ATXN1: variants seen among roughly 807,000 people sequenced by gnomAD.
ATXN1 encodes the protein ataxin-1.
Under a neutral mutation model 56.4 loss-of-function variants are expected in ATXN1, and 8 were observed. That is an observed-to-expected ratio of 0.14 (90% CI 0.08 to 0.26). The LOEUF (loss-of-function observed/expected upper bound fraction) is 0.26, where lower values mean the gene tolerates loss of function less well. Among genes scored for constraint, ATXN1 ranks in the 10% least tolerant of loss-of-function variants. The probability of loss-of-function intolerance (pLI) is 1.00; values close to 1 mark genes in which losing one functional copy is unlikely to be tolerated. For missense variants in ATXN1, 987 were observed against 1,106.5 expected (o/e 0.89, Z 1.53); for synonymous variants, 514 against 494.6 (o/e 1.04, Z -0.52).
intron 6 of ATXN1, among the ~76,000 whole-genome samples, chr6:16,455,123 G>A (rs1759838517): frequency 6.6e-6 from 1 of 152,102 alleles, no homozygotes; most frequent in African/African-American, 2.4e-5. Context: ...AGGAAGGAAG[G>A]AGAGCATCTC....
chr6:16,323,711 C>T (rs1044072677), intron 7 of ATXN1, among the ~76,000 whole-genome samples: 6 of 152,006 alleles, frequency 3.9e-5, no homozygotes, highest in Non-Finnish European at 8.8e-5. Flanking sequence ...CCTCTGTTCA[C>T]AAAAATGTGT....
intron 2 of ATXN1, among the ~76,000 whole-genome samples, chr6:16,668,998 A>G (rs1167290103): frequency 6.6e-6 from 1 of 152,080 alleles, no homozygotes; most frequent in Non-Finnish European, 1.5e-5. Flanking sequence ...ACTCTTTGAG[A>G]AATTGTGCTG....
At chr6:16,747,298 C>T (rs754586864) in intron 2 of ATXN1, among the ~76,000 whole-genome samples, 4 of 152,016 alleles carry the variant, frequency 2.6e-5, no homozygotes, top group African/African-American at 9.7e-5. Context: ...AAACAGAACT[C>T]GAAAAACATA....
intron 1 of ATXN1, among the ~76,000 whole-genome samples, chr6:16,758,726 C>T (rs1463267195): frequency 2.0e-5 from 3 of 152,186 alleles, no homozygotes; most frequent in South Asian, 2.1e-4. Flanking sequence ...GGAGTAAGTG[C>T]ACCGAAAACC....
intron 3 of ATXN1, among the ~76,000 whole-genome samples, chr6:16,629,658 G>C (rs1397376565): frequency 6.6e-6 from 1 of 152,092 alleles, no homozygotes. Context: ...GCTCATGCCT[G>C]TAATCCCTGC....
At chr6:16,345,072 C>T (rs931205016) in intron 6 of ATXN1, among the ~76,000 whole-genome samples, 5 of 152,166 alleles carry the variant, frequency 3.3e-5, no homozygotes, top group Non-Finnish European at 4.4e-5. Context: ...TGCAGTTTGT[C>T]TTCCTTACAA....
chr6:16,527,038 A>T (rs954238398), intron 4 of ATXN1, among the ~76,000 whole-genome samples: 2 of 151,810 alleles, frequency 1.3e-5, no homozygotes, highest in African/African-American at 4.8e-5. Flanking sequence ...AAAAAAAAAA[A>T]TCAGGACTTA....
chr6:16,316,056 T>C (rs1172467376), intron 7 of ATXN1, among the ~76,000 whole-genome samples: 1 of 152,218 alleles, frequency 6.6e-6, no homozygotes, highest in Non-Finnish European at 1.5e-5. Context: ...TGTTAGGTAC[T>C]GGGCTGCACA....
chr6:16,402,397 G>T (rs1002009446), intron 6 of ATXN1, among the ~76,000 whole-genome samples: 2 of 151,620 alleles, frequency 1.3e-5, no homozygotes, highest in Non-Finnish European at 2.9e-5. Flanking sequence ...ACAAAACAGG[G>T]ACAATGTGCA....
At chr6:16,486,406 G>T (rs1012354969) in intron 5 of ATXN1, among the ~76,000 whole-genome samples, 1 of 152,172 alleles carries the variant, frequency 6.6e-6, no homozygotes, top group Non-Finnish European at 1.5e-5. Flanking sequence ...TTACTCTTCT[G>T]CAAAAGGAGG....
rs558545224 is a variant in ATXN1, at chr6:16,303,467, T to G, written c.*2862A>C. On this transcript the variant is annotated 3_prime_UTR_variant, in exon 8 of 8. Coordinates refer to ENST00000436367, the MANE Select transcript of ATXN1 (RefSeq NM_001128164.2). This position sits in a 1 kb window ranked among gnomAD's most constrained non-coding sequence, Gnocchi z 4.3. ...CCTGCTCTGGCCAGAATGGGGAAGA[T>G]CAACCAAACAAGGAAAAAGCCAAAA... The G allele has an allele frequency of 6.5e-6, 1 of 152,810 alleles. No homozygotes were observed. Among genetic ancestry groups the G allele is most frequent in the South Asian group, 2.1e-4 (1 of 4,824 alleles). 9.5% of individuals were successfully genotyped at this position (152,810 alleles called of 1,614,324 possible).
intron 2 of ATXN1, among the ~76,000 whole-genome samples, chr6:16,752,542 T>A (rs574198801): frequency 6.6e-6 from 1 of 152,348 alleles, no homozygotes; most frequent in South Asian, 2.1e-4. Context: ...CCCTATTTTC[T>A]ATTTCACAAT....
In ATXN1 at chr6:16,622,811, C is replaced by T. The variant is rs74850737; in HGVS notation, c.-489+34965G>A. Among the ~76,000 whole-genome samples the T allele has an allele frequency of 9.7e-4, 147 of 152,176 alleles. 1 individual carries two copies. Among genetic ancestry groups the T allele is most frequent in the Middle Eastern group, 3.4e-3 (1 of 294 alleles). On this transcript the variant is annotated intron_variant, in intron 3 of 7. Coordinates refer to ENST00000436367, the MANE Select transcript of ATXN1 (RefSeq NM_001128164.2). ...CTGGTAGCTTTCATTTCCACATGTA[C>T]TCTCAGAACAGAGAAAAACGAGTTC...
chr6:16,736,870 T>C (rs868200865), intron 2 of ATXN1: 1 of 152,222 alleles, frequency 6.6e-6, no homozygotes, highest in African/African-American at 2.4e-5. Flanking sequence ...CAAAATGCAA[T>C]GTTATTTAGT....
At chr6:16,319,589 G>A (rs1037095758) in intron 7 of ATXN1, among the ~76,000 whole-genome samples, 1 of 152,118 alleles carries the variant, frequency 6.6e-6, no homozygotes, top group East Asian at 1.9e-4. Flanking sequence ...TATAAACTAT[G>A]GACTTTAGTT....
At chr6:16,416,544 T>C (rs1758912643) in intron 6 of ATXN1, among the ~76,000 whole-genome samples, 1 of 152,226 alleles carries the variant, frequency 6.6e-6, no homozygotes, top group Admixed American at 6.5e-5. Context: ...AAGTACTAAG[T>C]ATAGTCCCTG....
At chr6:16,691,106 C>A (rs1759035686) in intron 2 of ATXN1, among the ~76,000 whole-genome samples, 1 of 152,202 alleles carries the variant, frequency 6.6e-6, no homozygotes, top group Non-Finnish European at 1.5e-5. Flanking sequence ...CACCTTCATG[C>A]ATTCTGCAGT....
chr6:16,344,523 C>T (rs1325152872), intron 6 of ATXN1, among the ~76,000 whole-genome samples: 1 of 152,220 alleles, frequency 6.6e-6, no homozygotes, highest in Non-Finnish European at 1.5e-5. Context: ...GTCTTCTGGC[C>T]TTCATCTTTT....
intron 6 of ATXN1, among the ~76,000 whole-genome samples, chr6:16,391,907 C>T (rs1357045537): frequency 1.3e-5 from 2 of 152,196 alleles, no homozygotes; most frequent in Non-Finnish European, 2.9e-5. Flanking sequence ...CTGATGTTTC[C>T]TCCTGGCTTC....
Sources: gnomAD v4.1 joint callset for allele counts (sites outside exome capture counted in the v4.1 genomes callset) on GRCh38, gnomAD v4.1.1 for gene constraint, Gnocchi (gnomAD v3.1) non-coding constraint, MANE v1.5 for transcripts, NCBI Gene and HGNC (gene_info 2026-07-23, HGNC 2026-07-21) for gene names.